Variants in JAK1 observed in about 807,000 individuals in gnomAD.
The protein encoded by JAK1 is tyrosine-protein kinase JAK1.
Under a neutral mutation model 136.6 loss-of-function variants are expected in JAK1, and 16 were observed. That is an observed-to-expected ratio of 0.12 (90% CI 0.08 to 0.18). JAK1 has a LOEUF of 0.18. Among genes scored for constraint, JAK1 ranks in the 10% least tolerant of loss-of-function variants. The pLI, the probability that JAK1 is intolerant of heterozygous loss-of-function variation, is 1.00. For synonymous variants in JAK1, 492 were observed against 519.5 expected (o/e 0.95, Z 0.72); for missense variants, 859 against 1,450.1 (o/e 0.59, Z 6.62).
rs1438092196 is a variant in JAK1, at chr1:64,834,047, C to G, written c.*515G>C. The G allele has an allele frequency of 4.3e-5, 10 of 232,780 alleles. No individual in the cohort carries two copies. The highest frequency in any genetic ancestry group is 7.6e-5 in the Non-Finnish European group (9 of 117,914). 14.4% of individuals were successfully genotyped at this position (232,780 alleles called of 1,614,324 possible). On this transcript the variant is annotated 3_prime_UTR_variant, in exon 25 of 25. Transcript: ENST00000342505. ...TTTGTACAGAAACAATATATACTAC[C>G]TGGTATCTAATATTTTAAGAATGCA...
intron 1 of JAK1, among the ~76,000 whole-genome samples, chr1:64,893,976 C>T (rs1160412629): frequency 1.3e-5 from 2 of 152,216 alleles, no homozygotes; most frequent in Non-Finnish European, 2.9e-5. Flanking sequence ...CTGTCACATA[C>T]TAAGTTCATT....
intron 1 of JAK1, among the ~76,000 whole-genome samples, chr1:64,937,035 T>TAA (rs370992503): frequency 4.5e-4 from 62 of 137,416 alleles, no homozygotes; most frequent in African/African-American, 1.1e-3. Context: ...AATGACTGTT[T>TAA]AAAAAAAAAA....
upstream of JAK1, among the ~76,000 whole-genome samples, chr1:64,969,410 C>A (rs1277573453): frequency 6.6e-6 from 1 of 150,478 alleles, no homozygotes; most frequent in Admixed American, 6.6e-5. Flanking sequence ...CACACCCCCC[C>A]GCAACTCCCC....
At chr1:64,861,643 C>G (rs1490044719) in intron 8 of JAK1, among the ~76,000 whole-genome samples, 2 of 151,954 alleles carry the variant, frequency 1.3e-5, no homozygotes, top group Non-Finnish European at 2.9e-5. Flanking sequence ...AGGCAGGTGG[C>G]AGAAATGAGA....
At chr1:64,958,657 T>C (rs943028305) in intron 1 of JAK1, among the ~76,000 whole-genome samples, 2 of 152,266 alleles carry the variant, frequency 1.3e-5, no homozygotes, top group Non-Finnish European at 2.9e-5. Flanking sequence ...ATTTGGCAGA[T>C]TATTTTTTCC....
intron 2 of JAK1, among the ~76,000 whole-genome samples, chr1:65,017,866 G>A (rs2100784702): frequency 6.6e-6 from 1 of 151,492 alleles, no homozygotes. Flanking sequence ...CCAGGCTGGA[G>A]TTCAGTGGCA....
At chr1:65,007,612 C>T (rs1646814179) in intron 2 of JAK1, among the ~76,000 whole-genome samples, 1 of 152,134 alleles carries the variant, frequency 6.6e-6, no homozygotes, top group Non-Finnish European at 1.5e-5. Context: ...AGGCGCATGC[C>T]ACCACGCCCA....
chr1:65,023,913 C>CT (rs35481521), intron 2 of JAK1, among the ~76,000 whole-genome samples: 2,656 of 119,288 alleles, frequency 0.022, 76 homozygotes, highest in African/African-American at 0.055. Flanking sequence ...TAGATTCATC[C>CT]TTTTTTTTTT....
chr1:64,947,731 G>C (rs574669727), intron 1 of JAK1, among the ~76,000 whole-genome samples: 28 of 151,816 alleles, frequency 1.8e-4, no homozygotes, highest in African/African-American at 6.5e-4. Flanking sequence ...GATTGTTTTG[G>C]AACTTTATCT....
intron 1 of JAK1, among the ~76,000 whole-genome samples, chr1:64,904,151 T>A (rs1442402998): frequency 2.6e-5 from 4 of 152,190 alleles, no homozygotes; most frequent in African/African-American, 4.8e-5. Context: ...ACAGATATAA[T>A]TTTTAAATAT....
Position 65,042,137 on chromosome 1 carries a change from G to T in JAK1, c.-78+2343C>A, listed in dbSNP as rs535618647. Among the ~76,000 whole-genome samples the T allele has an allele frequency of 6.6e-5, 10 of 152,102 alleles. No individual in the cohort carries two copies. The South Asian group carries it at 2.1e-3, about 32-fold the overall frequency. On this transcript the variant is annotated intron_variant, in intron 2 of 25. Coordinates refer to the JAK1 transcript ENST00000671954. ...AAACACTATAAGAATAAAAAATAAC[G>T]AATTTTAAAGCAGTACAGTATAACA...
chr1:64,883,609 C>G (rs1644809458), intron 2 of JAK1, 134 bp from the exon 3 acceptor site: 1 of 636,980 alleles, frequency 1.6e-6, no homozygotes, highest in Admixed American at 3.1e-5. Flanking sequence ...TCCCCTGCCC[C>G]TTCCCTTCCT....
intron 2 of JAK1, among the ~76,000 whole-genome samples, chr1:65,038,974 T>TTGTGTG: frequency 7.4e-6 from 1 of 135,618 alleles, no homozygotes; most frequent in East Asian, 2.1e-4. Flanking sequence ...TTGTGTGTGT[T>TTGTGTG]TGTGTAGAGA....
At chr1:64,973,442 CTATTA>C (rs933547501) in intron 2 of JAK1, among the ~76,000 whole-genome samples, 1 of 151,214 alleles carries the variant, frequency 6.6e-6, no homozygotes, top group African/African-American at 2.4e-5. Context: ...TTTTTTTAAT[CTATTA>C]TATTTTATAC....
At chr1:64,880,505 C>T (rs573946234) in intron 3 of JAK1, among the ~76,000 whole-genome samples, 1 of 152,270 alleles carries the variant, frequency 6.6e-6, no homozygotes, top group Admixed American at 6.5e-5. Context: ...TTATTTTAAC[C>T]ATGGAACTGT....
intron 1 of JAK1, among the ~76,000 whole-genome samples, chr1:65,065,616 T>A (rs1224381757): frequency 6.6e-6 from 1 of 151,380 alleles, no homozygotes; most frequent in African/African-American, 2.4e-5. Flanking sequence ...GGGTCCCTGC[T>A]CTTCCTCTGT....
chr1:64,964,633 G>A (rs1281833117), intron 1 of JAK1, among the ~76,000 whole-genome samples: 1 of 152,136 alleles, frequency 6.6e-6, no homozygotes, highest in East Asian at 1.9e-4. Flanking sequence ...TATTCAGTGT[G>A]GAGTATCACA....
At chr1:65,047,706 G>A (rs890895607) in intron 1 of JAK1, among the ~76,000 whole-genome samples, 4 of 151,028 alleles carry the variant, frequency 2.6e-5, no homozygotes, top group African/African-American at 2.4e-5. Flanking sequence ...GCAACAGAGC[G>A]AGACTTCATC....
intron 1 of JAK1, among the ~76,000 whole-genome samples, chr1:64,886,751 TACACACACACACAC>T (rs3838404): frequency 1.2e-4 from 16 of 138,864 alleles, no homozygotes; most frequent in Non-Finnish European, 2.0e-4. Flanking sequence ...CAACCTTGTC[TACACACACACACAC>T]ACACACACAC....
Sources: allele counts gnomAD v4.1 joint callset (sites outside exome capture counted in the v4.1 genomes callset), GRCh38; gene constraint gnomAD v4.1.1; transcripts MANE v1.5; gene names NCBI Gene and HGNC (gene_info 2026-07-23, HGNC 2026-07-21).